The following ADAMTS5 variants were observed in gnomAD, a reference collection of about 807,000 sequenced individuals.
ADAMTS5 encodes the protein A disintegrin and metalloproteinase with thrombospondin motifs 5.
Under a neutral mutation model 81.4 loss-of-function variants are expected in ADAMTS5, and 54 were observed. That is an observed-to-expected ratio of 0.66 (90% confidence interval 0.53 to 0.83). ADAMTS5 has a LOEUF of 0.83. Among genes scored for constraint, ADAMTS5 ranks in the 40% least tolerant of loss-of-function variants. The pLI is 0.00. For missense variants in ADAMTS5, 1,194 were observed against 1,229.9 expected, an observed-to-expected ratio of 0.97 and a Z score of 0.44; for synonymous variants, 532 against 508.8, an observed-to-expected ratio of 1.05 and a Z score of -0.61.
intron 3 of ADAMTS5, among the ~76,000 whole-genome samples, chr21:26,938,994 C>T (rs942278833): frequency 5.9e-5 from 9 of 152,198 alleles, no homozygotes; most frequent in African/African-American, 2.2e-4. Context: ...TCAAACTCAT[C>T]CGAAGAAGCC....
At chr21:26,960,021 T>C (rs557848596) in intron 1 of ADAMTS5, among the ~76,000 whole-genome samples, 1 of 152,290 alleles carries the variant, frequency 6.6e-6, no homozygotes, top group Non-Finnish European at 1.5e-5. Flanking sequence ...CTGCCTCCAC[T>C]GTACCTTCCT....
chr21:26,937,617 G>A (rs1283870427), intron 3 of ADAMTS5, among the ~76,000 whole-genome samples: 10 of 152,156 alleles, frequency 6.6e-5, no homozygotes, highest in Non-Finnish European at 1.5e-4. Flanking sequence ...GAAACTCACA[G>A]TATAAAATGT....
chr21:26,928,024 A>T lies in ADAMTS5; in HGVS notation c.2225+1862T>A, dbSNP rs1444366361. On this transcript the variant is annotated intron_variant, in intron 7 of 7. Transcript: ENST00000284987. ...GATGAGGAAAACTGAGGGAGGAGCG[A>T]GTTAAGATTAGGGTCATATTGTGAA... Among the ~76,000 whole-genome samples the T allele has an allele frequency of 2.0e-5, 3 of 152,240 alleles. No individual in the cohort carries two copies. The East Asian group carries it at 5.8e-4, about 29-fold the overall frequency.
rs193046847 is a variant in ADAMTS5, at chr21:26,957,769, C to A, written c.1105-2898G>T. On this transcript the variant is annotated intron_variant, in intron 1 of 7. Coordinates refer to ENST00000284987, the MANE Select transcript of ADAMTS5 (RefSeq NM_007038.5). ...TTGTGGTATGGTGTTGGCCAGGATA[C>A]AAGACTGAGACATTGTATCTAACTC... Among the ~76,000 whole-genome samples the A allele has an allele frequency of 3.2e-4, 48 of 152,138 alleles. 1 individual carries two copies. In the South Asian group the frequency reaches 9.4e-3, roughly 30 times the overall value.
intron 2 of ADAMTS5, among the ~76,000 whole-genome samples, chr21:26,945,105 T>G (rs1440288506): frequency 6.6e-6 from 1 of 151,958 alleles, no homozygotes; most frequent in Non-Finnish European, 1.5e-5. Flanking sequence ...GCTCATCTAA[T>G]TTTTGAGTGG....
At chr21:26,962,078 G>A (rs1987539889) in intron 1 of ADAMTS5, among the ~76,000 whole-genome samples, 1 of 152,148 alleles carries the variant, frequency 6.6e-6, no homozygotes, top group African/African-American at 2.4e-5. Flanking sequence ...TAGTTGGTTC[G>A]ATTTTAATTC....
chr21:26,956,615 T>G (rs371858763), intron 1 of ADAMTS5, among the ~76,000 whole-genome samples: 29 of 152,200 alleles, frequency 1.9e-4, no homozygotes, highest in African/African-American at 6.5e-4. Flanking sequence ...ACCTAGGTCA[T>G]GCCTTAAGGG....
intron 7 of ADAMTS5, among the ~76,000 whole-genome samples, chr21:26,927,828 G>A (rs747953272): frequency 3.3e-5 from 5 of 152,008 alleles, no homozygotes; most frequent in African/African-American, 4.8e-5. Context: ...CTTGGATTGC[G>A]GTGGGAGCGG....
chr21:26,944,684 C>T (rs1397288675), intron 2 of ADAMTS5, among the ~76,000 whole-genome samples: 2 of 152,156 alleles, frequency 1.3e-5, no homozygotes, highest in African/African-American at 2.4e-5. Flanking sequence ...CTGATGACTA[C>T]ATTCTCCTTG....
chr21:26,966,361 A>G lies in ADAMTS5; in HGVS notation c.31T>C (p.Cys11Arg). ...GCGGCCAGGGGCAGGCGGAACGCGC[A>G]CAGCAGCAGGGACGCCCACCCGAGC... Reference protein sequence around the residue: MLLGWASLLLCAFRLPLAAVG... With the variant: MLLGWASLLLRAFRLPLAAVG... The change falls in exon 1 of 8, where the codon TGC becomes CGC. Residue 11 changes from cysteine (C) to arginine (R), a missense_variant. Physicochemically the swap from Cys to Arg is radical, Grantham distance 180. Transcript: ENST00000284987. 1 of 1,498,668 alleles carries G rather than the reference A, an allele frequency of 6.7e-7. No individual in the cohort carries two copies. The highest frequency in any genetic ancestry group is 8.8e-7 in the Non-Finnish European group (1 of 1,133,034). 92.8% of individuals were successfully genotyped at this position (1,498,668 alleles called of 1,614,324 possible). A position where few individuals can be genotyped will look rare whatever the true frequency, so the allele number is the denominator to read the frequency against.
At position 26,965,417 on chromosome 21, in the gene ADAMTS5, GT is replaced by G; in HGVS notation, c.974del (p.Asp325AlafsTer6). On this transcript the variant is annotated frameshift_variant, in exon 1 of 8. Coordinates refer to ENST00000284987, the MANE Select transcript of ADAMTS5 (RefSeq NM_007038.5). LOFTEE classifies it high-confidence loss of function. Reference protein sequence around the residue: ...VVKVVVLGDKDKSLEVSKNAA... With the variant: ...VVKVVVLGDKXKSLEVSKNAA... ...CGTTCTTGCTCACTTCCAGGCTCTTGTCCTTGTCGCCTAGCACCACCACCTT... is the reference window on the plus strand; with the variant it reads ...CGTTCTTGCTCACTTCCAGGCTCTTGCCTTGTCGCCTAGCACCACCACCTT... The G allele has an allele frequency of 6.2e-7, 1 of 1,614,260 alleles. No individual in the cohort carries two copies. Among genetic ancestry groups the G allele is most frequent in the Non-Finnish European group, 8.5e-7 (1 of 1,180,054 alleles).
At position 26,923,189 on chromosome 21, in the gene ADAMTS5, C is replaced by A. The variant is rs558345591; in HGVS notation, c.*864G>T. On this transcript the variant is annotated 3_prime_UTR_variant, in exon 8 of 8. Transcript: ENST00000284987. ...TATAAATTGAAAACACAGTGAAATA[C>A]GATTTTTTTCCTTTTAAATTTCCAA... The A allele has an allele frequency of 6.6e-6, 1 of 151,986 alleles. No homozygotes were observed. Among genetic ancestry groups the A allele is most frequent in the Non-Finnish European group, 1.5e-5 (1 of 67,982 alleles). 9.4% of individuals were successfully genotyped at this position (151,986 alleles called of 1,614,324 possible).
chr21:26,934,628 G>A lies in ADAMTS5; in HGVS notation c.1527C>T (p.Pro509=), dbSNP rs768998257. 2.0e-5 allele frequency: 32 copies of A among 1,614,140 alleles called. No homozygotes were observed. In the Admixed American group the frequency reaches 2.3e-4, roughly 12 times the overall value. ...LTFGPEYSVC[P]GMDVCARLWC... ...ACAGGCGAGCACAGACATCCATGCCGGGACACACGGAGTACTCAGGCCCGA... is the reference window on the plus strand; with the variant it reads ...ACAGGCGAGCACAGACATCCATGCCAGGACACACGGAGTACTCAGGCCCGA... The change falls in exon 4 of 8, where the codon CCC becomes CCT. Residue 509 remains proline (P), a synonymous_variant. Transcript: ENST00000284987.
chr21:26,929,207 C>T (rs1390834070), intron 7 of ADAMTS5, among the ~76,000 whole-genome samples: 1 of 152,178 alleles, frequency 6.6e-6, no homozygotes, highest in Non-Finnish European at 1.5e-5. Context: ...TGACTAATAA[C>T]ACTCAGCCTA....
intron 6 of ADAMTS5, among the ~76,000 whole-genome samples, chr21:26,931,209 G>A (rs1345548306): frequency 6.6e-6 from 1 of 152,002 alleles, no homozygotes; most frequent in Non-Finnish European, 1.5e-5. Flanking sequence ...ACCACGCCCA[G>A]CTAATTTTTG....
chr21:26,957,939 A>G (rs185702351), intron 1 of ADAMTS5, among the ~76,000 whole-genome samples: 37 of 152,316 alleles, frequency 2.4e-4, no homozygotes, highest in African/African-American at 8.7e-4. Context: ...TGAAGCCGTA[A>G]TAATACCCAA....
intron 4 of ADAMTS5, among the ~76,000 whole-genome samples, chr21:26,933,657 C>T (rs1986956886): frequency 6.6e-6 from 1 of 152,126 alleles, no homozygotes; most frequent in Non-Finnish European, 1.5e-5. Flanking sequence ...AAGGAAGAGC[C>T]CTTTTATGGC....
rs144778228 is a variant in ADAMTS5, at chr21:26,925,398, G to C, written c.2226-778C>G. Among the ~76,000 whole-genome samples, 200 of 152,178 alleles carry C rather than the reference G, an allele frequency of 1.3e-3. 3 individuals are homozygous for C. Among genetic ancestry groups the C allele is most frequent in the Admixed American group, 0.011 (161 of 15,286 alleles). On this transcript the variant is annotated intron_variant, in intron 7 of 7. Coordinates refer to ENST00000284987, the MANE Select transcript of ADAMTS5 (RefSeq NM_007038.5). ...CTTAGAGAATTTTTCTGAATTCTTA[G>C]TGCCCATAAGATACGATAGATTGAG...
intron 6 of ADAMTS5, among the ~76,000 whole-genome samples, chr21:26,931,539 G>A (rs1986906501): frequency 6.6e-6 from 1 of 152,132 alleles, no homozygotes; most frequent in Non-Finnish European, 1.5e-5. Flanking sequence ...TTCATATTAA[G>A]GGTTCTTGAC....
Sources: allele counts gnomAD v4.1 joint callset (sites outside exome capture counted in the v4.1 genomes callset), GRCh38; gene constraint gnomAD v4.1.1; transcripts MANE v1.5; gene names NCBI Gene and HGNC (gene_info 2026-07-23, HGNC 2026-07-21).